ZNF398: variants seen among roughly 807,000 people sequenced by gnomAD.
ZNF398 encodes zinc finger protein 398, also known as zinc finger DNA binding protein ZER6.
A neutral mutation model predicts 41.9 loss-of-function variants in ZNF398; 18 were observed. The observed-to-expected ratio is 0.43, with a 90% confidence interval of 0.30 to 0.64. The LOEUF (loss-of-function observed/expected upper bound fraction) is 0.64, where lower values mean the gene tolerates loss of function less well. Among genes scored for constraint, ZNF398 ranks in the 30% least tolerant of loss-of-function variants. The pLI, the probability that ZNF398 is intolerant of heterozygous loss-of-function variation, is 0.14. For missense variants in ZNF398, 669 were observed against 822.8 expected (o/e 0.81, Z 2.29); for synonymous variants, 260 against 308.8 (o/e 0.84, Z 1.66).
At chr7:149,176,060 C>T (rs890423040) in intron 4 of ZNF398, among the ~76,000 whole-genome samples, 3 of 151,910 alleles carry the variant, frequency 2.0e-5, no homozygotes, top group Non-Finnish European at 2.9e-5. Context: ...GGGCCGGGCG[C>T]GGTGGCTCAA....
intron 2 of ZNF398, among the ~76,000 whole-genome samples, chr7:149,155,734 T>TTTATTTATTATTA (rs1563159643): frequency 9.0e-6 from 1 of 110,636 alleles, no homozygotes; most frequent in African/African-American, 4.1e-5. Flanking sequence ...TTTTTTAATT[T>TTTATTTATTATTA]TTTTTTTTTT....
chr7:149,135,598 T>A (rs116432637), intron 2 of ZNF398, among the ~76,000 whole-genome samples: 113 of 151,954 alleles, frequency 7.4e-4, no homozygotes, highest in African/African-American at 2.4e-3. Flanking sequence ...AAATCCCAGA[T>A]ATCACACCTG....
chr7:149,140,244 TAGAA>T (rs943499618), intron 2 of ZNF398, among the ~76,000 whole-genome samples: 2 of 152,296 alleles, frequency 1.3e-5, no homozygotes, highest in African/African-American at 4.8e-5. Flanking sequence ...TAGATAACTT[TAGAA>T]AGAACATTAT....
intron 2 of ZNF398, among the ~76,000 whole-genome samples, chr7:149,159,657 G>C (rs1795059633): frequency 6.6e-6 from 1 of 151,366 alleles, no homozygotes; most frequent in African/African-American, 2.4e-5. Context: ...CAAAAAAAAT[G>C]CTCTTTTTCT....
chr7:149,133,693 G>GTA (rs1408983739), intron 2 of ZNF398, among the ~76,000 whole-genome samples: 1,913 of 41,826 alleles, frequency 0.046, 93 homozygotes, highest in African/African-American at 0.12. Context: ...ATATATGTGT[G>GTA]TATATATATA....
chr7:149,175,201 T>C (rs1317211628), intron 4 of ZNF398, among the ~76,000 whole-genome samples: 1 of 152,194 alleles, frequency 6.6e-6, no homozygotes, highest in African/African-American at 2.4e-5. Flanking sequence ...TTGGGTAAAG[T>C]AGTCAGTTCT....
At chr7:149,128,782 A>AAAATAAAATAAAATAAAATAAAATAAAAT (rs1468849274) in intron 1 of ZNF398, 2 of 148,724 alleles carry the variant, frequency 1.3e-5, no homozygotes, top group East Asian at 1.9e-4. Context: ...AAATAAAATT[A>AAAATAAAATAAAATAAAATAAAATAAAAT]TATATATATA....
At chr7:149,142,682 AC>A (rs928291289), upstream of ZNF398, among the ~76,000 whole-genome samples, 1 of 152,118 alleles carries the variant, frequency 6.6e-6, no homozygotes, top group African/African-American at 2.4e-5. Flanking sequence ...AAACAAACAA[AC>A]AAAAAACCAG....
chr7:149,157,302 A>G (rs958807869), intron 2 of ZNF398, among the ~76,000 whole-genome samples: 1 of 152,158 alleles, frequency 6.6e-6, no homozygotes, highest in African/African-American at 2.4e-5. Flanking sequence ...TGGGAGGCCG[A>G]GGCGGGCGGA....
At chr7:149,151,201 C>T in intron 1 of ZNF398, 1 of 1,190,734 alleles carries the variant, frequency 8.4e-7, no homozygotes, top group Non-Finnish European at 1.1e-6. Context: ...TGGTGATTTC[C>T]TCTAGGCACG....
At chr7:149,143,142 A>AAAAAGAAAAGAAAAG (rs10634333), upstream of ZNF398, among the ~76,000 whole-genome samples, 2 of 150,584 alleles carry the variant, frequency 1.3e-5, no homozygotes, top group Non-Finnish European at 3.0e-5. Flanking sequence ...CTCCATCTCA[A>AAAAAGAAAAGAAAAG]AAAAGAAAAG....
intron 2 of ZNF398, among the ~76,000 whole-genome samples, chr7:149,139,097 A>C (rs1369257746): frequency 6.6e-6 from 1 of 152,032 alleles, no homozygotes; most frequent in Non-Finnish European, 1.5e-5. Context: ...TTTAGTAGAG[A>C]CGGGGCTTCA....
intron 2 of ZNF398, among the ~76,000 whole-genome samples, chr7:149,161,018 G>T (rs1456991302): frequency 6.6e-6 from 1 of 152,040 alleles, no homozygotes; most frequent in East Asian, 1.9e-4. Flanking sequence ...CCCCAACGCT[G>T]CCCTCTTGAC....
At chr7:149,169,835 A>G (rs748267881) in intron 4 of ZNF398, among the ~76,000 whole-genome samples, 4 of 152,194 alleles carry the variant, frequency 2.6e-5, no homozygotes, top group African/African-American at 4.8e-5. Flanking sequence ...GTGATCTGCT[A>G]GGAGGACTCA....
rs754727988 is a variant in ZNF398, at chr7:149,179,090, T to C, written c.1218T>C (p.Thr406=). 1.9e-6 allele frequency: 3 copies of C among 1,613,972 alleles called. No homozygotes were observed. In the South Asian group the frequency reaches 3.3e-5, roughly 18 times the overall value. Residue 406 remains threonine (T), a synonymous_variant, in exon 6 of 6, where the codon ACT becomes ACC. Transcript: ENST00000475153. The surrounding 1 kb of genome is among the most constrained non-coding windows in gnomAD (Gnocchi z 6.1). The part of the protein sequence containing the change: ...TPPTCPHCAR[T]FTHPSRLTYH... ...CCACCTGCCCACACTGTGCCAGGACTTTTACTCACCCATCAAGACTTACCT... is the reference window on the plus strand; with the variant it reads ...CCACCTGCCCACACTGTGCCAGGACCTTTACTCACCCATCAAGACTTACCT...
intron 2 of ZNF398, among the ~76,000 whole-genome samples, chr7:149,161,976 A>T (rs1377595441): frequency 6.6e-6 from 1 of 152,196 alleles, no homozygotes. Flanking sequence ...AAGAATTTAC[A>T]TGTAGTTTAG....
exon 1 of ZNF398, chr7:149,126,481 C>G (rs944007695): frequency 1.1e-5 from 6 of 548,028 alleles, no homozygotes; most frequent in Non-Finnish European, 1.9e-5. Context: ...CTTTGAGGGA[C>G]CCTTGGACTC....
intron 4 of ZNF398, among the ~76,000 whole-genome samples, chr7:149,176,054 C>T (rs770939484): frequency 2.6e-5 from 4 of 151,928 alleles, no homozygotes; most frequent in Middle Eastern, 3.2e-3. Flanking sequence ...TATTTGGGGC[C>T]GGGCGCGGTG....
intron 4 of ZNF398, among the ~76,000 whole-genome samples, chr7:149,175,417 A>T (rs1795440819): frequency 6.6e-6 from 1 of 152,016 alleles, no homozygotes; most frequent in African/African-American, 2.4e-5. Flanking sequence ...TACTGATCAG[A>T]TGAGGCATGT....
Sources: allele counts gnomAD v4.1 joint callset (sites outside exome capture counted in the v4.1 genomes callset), GRCh38; gene constraint gnomAD v4.1.1; non-coding constraint Gnocchi (gnomAD v3.1); transcripts MANE v1.5; gene names NCBI Gene and HGNC (gene_info 2026-07-23, HGNC 2026-07-21).